The following SWT1 variants were observed in gnomAD, a reference collection of about 807,000 sequenced individuals.
The protein encoded by SWT1 is transcriptional protein SWT1.
SWT1 carries 33 observed loss-of-function variants against 107.3 expected under a neutral mutation model. That is an observed-to-expected ratio of 0.31 (90% confidence interval 0.23 to 0.41). The LOEUF is 0.41. SWT1 is among the 10% of genes least tolerant of loss of function. The probability of loss-of-function intolerance (pLI) is 1.00; values close to 1 mark genes in which losing one functional copy is unlikely to be tolerated. For missense variants in SWT1, 898 were observed against 1,028.9 expected (o/e 0.87, Z 1.74); for synonymous variants, 345 against 348.3 (o/e 0.99, Z 0.11).
chr1:185,240,517 C>T (rs1288530656), intron 16 of SWT1, among the ~76,000 whole-genome samples: 1 of 151,950 alleles, frequency 6.6e-6, no homozygotes, highest in East Asian at 1.9e-4. Context: ...TTTTTTCTAG[C>T]TGTCATTTTG....
At chr1:185,288,787 T>C (rs1201941796) in intron 18 of SWT1, among the ~76,000 whole-genome samples, 1 of 152,190 alleles carries the variant, frequency 6.6e-6, no homozygotes, top group Non-Finnish European at 1.5e-5. Flanking sequence ...TTGAATTCTT[T>C]GACACTTTGA....
intron 9 of SWT1, among the ~76,000 whole-genome samples, chr1:185,185,274 C>T (rs982292304): frequency 2.0e-5 from 3 of 152,090 alleles, no homozygotes; most frequent in East Asian, 3.8e-4. Flanking sequence ...GTTAATATCA[C>T]CATATGCAGT....
chr1:185,256,308 C>G (rs2102671971), intron 16 of SWT1, among the ~76,000 whole-genome samples: 1 of 149,890 alleles, frequency 6.7e-6, no homozygotes, highest in Non-Finnish European at 1.5e-5. Flanking sequence ...TCTGTATTTC[C>G]TGAATCTGAA....
At chr1:185,184,990 T>A (rs1656328882) in intron 9 of SWT1, 59 bp downstream of exon 9, 1 of 1,194,938 alleles carries the variant, frequency 8.4e-7, no homozygotes, top group Non-Finnish European at 1.1e-6. Flanking sequence ...GCAGACTCAT[T>A]ATTGGAGGGA....
rs537361223 is a variant in SWT1, at chr1:185,238,305, T to A, written c.2441+6597T>A. 3.9e-5 allele frequency among the ~76,000 whole-genome samples: 6 copies of A among 152,216 alleles called. No individual in the cohort carries two copies. The South Asian group carries it at 1.2e-3, about 32-fold the overall frequency. On this transcript the variant is annotated intron_variant, in intron 16 of 18. Coordinates refer to ENST00000367500, the MANE Select transcript of SWT1 (RefSeq NM_017673.7). ...CTGGCTTGGGGAAAATTTTTAAAGC[T>A]ATCTTGAGCCTCAGTGTTCATAAAA...
At chr1:185,250,732 G>T (rs975281068) in intron 16 of SWT1, among the ~76,000 whole-genome samples, 28 of 151,868 alleles carry the variant, frequency 1.8e-4, no homozygotes, top group Admixed American at 1.7e-3. Context: ...GTGCAATCTT[G>T]GCTCACTGCA....
chr1:185,236,000 C>T (rs1023124459), intron 16 of SWT1, among the ~76,000 whole-genome samples: 7 of 151,998 alleles, frequency 4.6e-5, no homozygotes, highest in Admixed American at 3.3e-4. Context: ...GGGATTTGAA[C>T]GACCTCTTCA....
intron 7 of SWT1, among the ~76,000 whole-genome samples, chr1:185,183,571 C>T (rs1355851223): frequency 6.6e-6 from 1 of 152,284 alleles, no homozygotes; most frequent in Non-Finnish European, 1.5e-5. Context: ...GCGTGAGCCA[C>T]CAAGCCCAGC....
intron 18 of SWT1, among the ~76,000 whole-genome samples, chr1:185,288,152 G>T (rs1270620626): frequency 6.6e-6 from 1 of 152,162 alleles, no homozygotes; most frequent in Non-Finnish European, 1.5e-5. Context: ...TTGAGTAGTT[G>T]TGAAGAATTG....
chr1:185,201,789 C>T (rs1246548668), intron 10 of SWT1, among the ~76,000 whole-genome samples: 1 of 152,154 alleles, frequency 6.6e-6, no homozygotes, highest in African/African-American at 2.4e-5. Flanking sequence ...ACATTTCAAG[C>T]CACTAATACT....
chr1:185,290,782 C>G lies in SWT1; in HGVS notation c.2682C>G (p.Asp894Glu). The G allele has an allele frequency of 6.2e-7, 1 of 1,609,796 alleles. No homozygotes were observed. The highest frequency in any genetic ancestry group is 8.5e-7 in the Non-Finnish European group (1 of 1,177,286). ...CCAAAAACAGGGGATGGTGTGAAGA[C>G]ATGCTCAACTATAGGATATAAGTAC... is the stretch of plus-strand genomic sequence containing the variant. ...MEAKNRGWCE[D>E]MLNYRI is the part of the protein sequence containing the mutation. Residue 894 changes from aspartate to glutamate, a missense_variant, in exon 19 of 19, where the codon GAC becomes GAG. By Grantham distance (45) the Asp-to-Glu change is conservative (BLOSUM62 2). Around this residue, in one of 6 missense-constraint regions of SWT1, gnomAD observed 382 missense variants for 460.0 expected, o/e 0.83. Transcript: ENST00000367500.
At chr1:185,238,305 T>C (rs537361223) in intron 16 of SWT1, among the ~76,000 whole-genome samples, 7 of 152,216 alleles carry the variant, frequency 4.6e-5, no homozygotes, top group African/African-American at 1.7e-4. Context: ...TTTTTAAAGC[T>C]ATCTTGAGCC....
chr1:185,245,805 G>A (rs1010918854), intron 16 of SWT1, among the ~76,000 whole-genome samples: 1 of 151,360 alleles, frequency 6.6e-6, no homozygotes, highest in Non-Finnish European at 1.5e-5. Flanking sequence ...GTCTCACTCT[G>A]TTGCCCAGGC....
chr1:185,246,636 T>C (rs1337894488), intron 16 of SWT1, among the ~76,000 whole-genome samples: 1 of 149,822 alleles, frequency 6.7e-6, no homozygotes, highest in East Asian at 2.0e-4. Context: ...TTTTTTTTTT[T>C]TTTTTTTTAA....
intron 17 of SWT1, among the ~76,000 whole-genome samples, chr1:185,271,748 C>T (rs1663883796): frequency 2.0e-5 from 3 of 152,116 alleles, no homozygotes; most frequent in African/African-American, 7.2e-5. Flanking sequence ...GTCTTATTAA[C>T]TATAGACTTC....
At chr1:185,187,820 C>T (rs780403050) in intron 9 of SWT1, among the ~76,000 whole-genome samples, 6 of 152,118 alleles carry the variant, frequency 3.9e-5, no homozygotes, top group Non-Finnish European at 8.8e-5. Context: ...TCCTGAGTAG[C>T]TGGGATTACA....
chr1:185,237,108 G>T (rs576183493), intron 16 of SWT1, among the ~76,000 whole-genome samples: 139 of 152,140 alleles, frequency 9.1e-4, no homozygotes, highest in African/African-American at 3.3e-3. Context: ...CACTGTTGGT[G>T]GCAATTATTT....
Position 185,291,363 on chromosome 1 carries a change from T to A in SWT1, c.*560T>A, listed in dbSNP as rs1665239976. ...ATGAAAGTAGAAATTTGACTGAAGC[T>A]CCTACTTCCTTATACAGCCTTTCCT... is the stretch of plus-strand genomic sequence containing the variant. On this transcript the variant is annotated 3_prime_UTR_variant, in exon 19 of 19. Coordinates refer to ENST00000367500, the MANE Select transcript of SWT1 (RefSeq NM_017673.7). 1 of 152,626 alleles carries A rather than the reference T, an allele frequency of 6.6e-6. No individual in the cohort carries two copies. Among genetic ancestry groups the A allele is most frequent in the South Asian group, 2.1e-4 (1 of 4,832 alleles). 9.5% of individuals were successfully genotyped at this position (152,626 alleles called of 1,614,324 possible).
intron 18 of SWT1, among the ~76,000 whole-genome samples, chr1:185,277,188 G>T (rs1006820348): frequency 6.6e-6 from 1 of 152,160 alleles, no homozygotes; most frequent in African/African-American, 2.4e-5. Context: ...GCCGGATTGC[G>T]GGAAAAGTAC....
Sources: gnomAD v4.1 joint callset for allele counts (sites outside exome capture counted in the v4.1 genomes callset) on GRCh38, gnomAD v4.1.1 for gene constraint, gnomAD v4.1.1 regional missense constraint, MANE v1.5 for transcripts, NCBI Gene and HGNC (gene_info 2026-07-23, HGNC 2026-07-21) for gene names.